Variants in COL7A1 observed in about 807,000 individuals in gnomAD.
COL7A1 encodes the protein collagen alpha-1(VII) chain.
In COL7A1, 296 loss-of-function variants were observed where a neutral mutation model predicts 456.2. The ratio of observed to expected loss-of-function variants is 0.65; its 90% CI spans 0.59 to 0.71. COL7A1 has a LOEUF of 0.71. Among genes scored for constraint, COL7A1 ranks in the 30% least tolerant of loss-of-function variants. The pLI, the probability that COL7A1 is intolerant of heterozygous loss-of-function variation, is 0.00. For missense variants in COL7A1, 3,441 were observed against 4,017.2 expected, an observed-to-expected ratio of 0.86 and a Z score of 3.88; for synonymous variants, 1,464 against 1,525.9, an observed-to-expected ratio of 0.96 and a Z score of 0.95.
Position 48,566,580 on chromosome 3 carries a change from G to T in COL7A1, c.8305-17C>A. 1.2e-6 allele frequency: 2 copies of T among 1,614,178 alleles called. No individual in the cohort carries two copies. Among genetic ancestry groups the T allele is most frequent in the Non-Finnish European group, 1.7e-6 (2 of 1,180,024 alleles). On this transcript the variant is annotated splice_polypyrimidine_tract_variant and intron_variant, in intron 112 of 118. Transcript: ENST00000681320. The surrounding 1 kb of genome is among the most constrained non-coding windows in gnomAD (Gnocchi z 5.9). ...TGGCCGCCCCTATGTGCAACAGATG[G>T]GACCAGGCTGTGACCTCTGACCTCA...
chr3:48,564,519 A>C lies in COL7A1; in HGVS notation c.8819-97T>G. The C allele has an allele frequency of 6.8e-7, 1 of 1,465,212 alleles. No individual in the cohort carries two copies. Among genetic ancestry groups the C allele is most frequent in the Non-Finnish European group, 9.5e-7 (1 of 1,056,460 alleles). 90.8% of individuals were successfully genotyped at this position (1,465,212 alleles called of 1,614,324 possible). On this transcript the variant is annotated intron_variant, in intron 118 of 118. Coordinates refer to ENST00000681320, the MANE Select transcript of COL7A1 (RefSeq NM_000094.4). The surrounding 1 kb of genome is among the most constrained non-coding windows in gnomAD (Gnocchi z 6.0). ...CCAAGGGGAGGGAGCGGAGGCTACA[A>C]CAGGAAGTGGGGGCTCTGACCTCAG... is the stretch of plus-strand genomic sequence containing the variant.
In COL7A1 at chr3:48,564,231, G is replaced by T. The variant is rs1360522118; in HGVS notation, c.*175C>A. 1.3e-6 allele frequency: 1 copy of T among 770,188 alleles called. No homozygotes were observed. Among genetic ancestry groups the T allele is most frequent in the African/African-American group, 1.7e-5 (1 of 58,372 alleles). 47.7% of individuals were successfully genotyped at this position (770,188 alleles called of 1,614,324 possible). A position where few individuals can be genotyped will look rare whatever the true frequency, so the allele number is the denominator to read the frequency against. On this transcript the variant is annotated 3_prime_UTR_variant, in exon 119 of 119. Coordinates refer to ENST00000681320, the MANE Select transcript of COL7A1 (RefSeq NM_000094.4). This position sits in a 1 kb window ranked among gnomAD's most constrained non-coding sequence, Gnocchi z 6.0. The stretch of plus-strand genomic sequence containing the variant: ...CCAGGGTGGCAGGAGCCACAATGGG[G>T]GTTTGTCCACAGGGGGGAAGGCTAG...
At position 48,586,857 on chromosome 3, in the gene COL7A1, T is replaced by C. The variant is rs138222941; in HGVS notation, c.3276+115A>G. ...GGCAGTAGGTGAGGTCTGGAGCCTGTGAGAGAGCTGGGAGAATGCCTGAAC... is the reference window on the plus strand; with the variant it reads ...GGCAGTAGGTGAGGTCTGGAGCCTGCGAGAGAGCTGGGAGAATGCCTGAAC... On this transcript the variant is annotated intron_variant, in intron 25 of 118. Transcript: ENST00000681320. The surrounding 1 kb of genome is among the most constrained non-coding windows in gnomAD (Gnocchi z 5.1). 5.9e-6 allele frequency: 9 copies of C among 1,525,806 alleles called. No individual in the cohort carries two copies. The African/African-American group carries it at 9.6e-5, about 16-fold the overall frequency. 94.5% of individuals were successfully genotyped at this position (1,525,806 alleles called of 1,614,324 possible).
chr3:48,575,418 C>T lies in COL7A1; in HGVS notation c.6101G>A (p.Gly2034Glu). 6.2e-7 allele frequency: 1 copy of T among 1,609,814 alleles called. No homozygotes were observed. Among genetic ancestry groups the T allele is most frequent in the Non-Finnish European group, 8.5e-7 (1 of 1,178,714 alleles). The change falls in exon 74 of 119, where the codon GGG becomes GAG. Residue 2034 changes from glycine to glutamate, a missense_variant. Coordinates refer to ENST00000681320, the MANE Select transcript of COL7A1 (RefSeq NM_000094.4). The surrounding 1 kb of genome is among the most constrained non-coding windows in gnomAD (Gnocchi z 6.3). ...RGPPGPSGLA[G>E]EPGKPGIPGL... ...GGGAATACCAGGCTTTCCAGGCTCC[C>T]CGGCAAGGCCGGAAGGCCCGGGGGG...
In COL7A1 at chr3:48,593,826, C is replaced by T. The variant is rs1022380144; in HGVS notation, c.267-130G>A. ...AGGGGTCCCTTCGTTCTGTCATTCT[C>T]CACACCCACTTGCCTCTGGAACCCC... On this transcript the variant is annotated intron_variant, in intron 3 of 118. Coordinates refer to ENST00000681320, the MANE Select transcript of COL7A1 (RefSeq NM_000094.4). The surrounding 1 kb of genome is among the most constrained non-coding windows in gnomAD (Gnocchi z 4.4). 8.9e-7 allele frequency: 1 copy of T among 1,122,388 alleles called. No individual in the cohort carries two copies. Among genetic ancestry groups the T allele is most frequent in the African/African-American group, 1.5e-5 (1 of 64,916 alleles). The allele number at this position is 1,122,388 out of a possible 1,614,324, so 69.5% of individuals were successfully genotyped here.
chr3:48,579,560 T>C lies in COL7A1; in HGVS notation c.5235+28A>G, dbSNP rs2044580510. On this transcript the variant is annotated intron_variant, in intron 59 of 118. Transcript: ENST00000681320. The surrounding 1 kb of genome is among the most constrained non-coding windows in gnomAD (Gnocchi z 4.4). ...AAATCAGAGCAGGCCCTCCCATGCC[T>C]GCACCCCCGAGGACCAATCACACTC... 6.2e-7 allele frequency: 1 copy of C among 1,613,664 alleles called. No homozygotes were observed. The highest frequency in any genetic ancestry group is 1.7e-5 in the Admixed American group (1 of 59,996).
In COL7A1 at chr3:48,583,143, C is replaced by T. The variant is rs1416352336; in HGVS notation, c.4466G>A (p.Gly1489Asp). 6.2e-7 allele frequency: 1 copy of T among 1,613,952 alleles called. No homozygotes were observed. Reference protein sequence around the residue: ...KGDRGFPGPLGEAGEKGERGP... With the variant: ...KGDRGFPGPLDEAGEKGERGP... ...TGCACTTACCTTCTCTCCAGCCTCACCCAGGGGCCCTGGAAAGCCCCGGTC... is the reference window on the plus strand; with the variant it reads ...TGCACTTACCTTCTCTCCAGCCTCATCCAGGGGCCCTGGAAAGCCCCGGTC... Residue 1489 changes from glycine to aspartate, a missense_variant, in exon 43 of 119, where the codon GGT (glycine) becomes GAT (aspartate). By Grantham distance (94) the Gly-to-Asp change is moderately conservative. Coordinates refer to ENST00000681320, the MANE Select transcript of COL7A1 (RefSeq NM_000094.4). The surrounding 1 kb of genome is among the most constrained non-coding windows in gnomAD (Gnocchi z 5.1).
Position 48,586,884 on chromosome 3 carries a change from T to C in COL7A1, c.3276+88A>G. 1 of 1,540,694 alleles carries C rather than the reference T, an allele frequency of 6.5e-7. No homozygotes were observed. The highest frequency in any genetic ancestry group is 2.0e-5 in the Admixed American group (1 of 50,966). On this transcript the variant is annotated intron_variant, in intron 25 of 118. Coordinates refer to ENST00000681320, the MANE Select transcript of COL7A1 (RefSeq NM_000094.4). The surrounding 1 kb of genome is among the most constrained non-coding windows in gnomAD (Gnocchi z 5.1). ...AGAGAGCTGGGAGAATGCCTGAACC[T>C]ATTGGGTGGTCAGGAGATGGTAACT...
In COL7A1 at chr3:48,583,686, G is replaced by A; in HGVS notation, c.4341+32C>T. 6.2e-7 allele frequency: 1 copy of A among 1,613,898 alleles called. No homozygotes were observed. Among genetic ancestry groups the A allele is most frequent in the Non-Finnish European group, 8.5e-7 (1 of 1,179,870 alleles). On this transcript the variant is annotated intron_variant, in intron 40 of 118. Transcript: ENST00000681320. The surrounding 1 kb of genome is among the most constrained non-coding windows in gnomAD (Gnocchi z 5.1). Reference sequence around the variant, plus strand: ...CCCCAGCACGCAGCCTCCCACCCCAGAACTGGGACATCATCAAGTCAGCCT... The same window carrying A: ...CCCCAGCACGCAGCCTCCCACCCCAAAACTGGGACATCATCAAGTCAGCCT...
In COL7A1 at chr3:48,577,024, C is replaced by T. The variant is rs751051251; in HGVS notation, c.5536G>A (p.Glu1846Lys). Residue 1846 changes from glutamate (E) to lysine (K), a missense_variant, in exon 66 of 119, where the codon GAA becomes AAA. Coordinates refer to ENST00000681320, the MANE Select transcript of COL7A1 (RefSeq NM_000094.4). The stretch of plus-strand genomic sequence containing the variant: ...CCGTCTTCTCCAGGGTCCCCAGGTT[C>T]TCCCTGTGGGCAGAGGACTCACATC... ...GKPGLNGKNGEPGDPGEDGRK... is the reference protein window; with the variant it reads ...GKPGLNGKNGKPGDPGEDGRK... 3 of 1,613,988 alleles carry T rather than the reference C, an allele frequency of 1.9e-6. No homozygotes were observed. The highest frequency in any genetic ancestry group is 1.3e-5 in the African/African-American group (1 of 75,070).
Position 48,574,130 on chromosome 3 carries a change from CAGGCACACACAGAG to C in COL7A1, c.6501+118_6501+131del. ...ACACACAGACACAGGCACACACAAG[CAGGCACACACAGAG>C]AGGCACACAGACACAGGTACACACA... On this transcript the variant is annotated intron_variant, in intron 80 of 118. Transcript: ENST00000681320. The surrounding 1 kb of genome is among the most constrained non-coding windows in gnomAD (Gnocchi z 5.0). 8.1e-7 allele frequency: 1 copy of C among 1,232,168 alleles called. No individual in the cohort carries two copies. Among genetic ancestry groups the C allele is most frequent in the Admixed American group, 1.7e-5 (1 of 57,626 alleles). 76.3% of individuals were successfully genotyped at this position (1,232,168 alleles called of 1,614,324 possible).
At chr3:48,584,793 G>A (rs371301928) in intron 34 of COL7A1, 24 bp from the exon 35 acceptor site, 3 of 1,613,898 alleles carry the variant, frequency 1.9e-6, no homozygotes, top group African/African-American at 2.7e-5. Flanking sequence ...AGAGCAGAGG[G>A]TGGTGCTTGG....
In COL7A1 at chr3:48,579,517, T is replaced by G; in HGVS notation, c.5236-2A>C. On this transcript the variant is annotated splice_acceptor_variant, in intron 59 of 118. Coordinates refer to ENST00000681320, the MANE Select transcript of COL7A1 (RefSeq NM_000094.4). LOFTEE classifies it high-confidence loss of function. This position sits in a 1 kb window ranked among gnomAD's most constrained non-coding sequence, Gnocchi z 4.4. ...GGGTCCCCGAAACCCTTCAATGCCC[T>G]GAGGATAGGGGAGGAAGAAATCAGA... is the stretch of plus-strand genomic sequence containing the variant. The G allele has an allele frequency of 6.2e-7, 1 of 1,613,898 alleles. No individual in the cohort carries two copies. The highest frequency in any genetic ancestry group is 8.5e-7 in the Non-Finnish European group (1 of 1,179,982).
rs765478839 is a variant in COL7A1 at position 48,571,186 on chromosome 3, A to G, written c.7105-26T>C. 1 of 1,614,042 alleles carries G rather than the reference A, an allele frequency of 6.2e-7. No individual in the cohort carries two copies. Among genetic ancestry groups the G allele is most frequent in the South Asian group, 1.1e-5 (1 of 91,092 alleles). ...CTTTGAGGAAAAGAGGCATCGGATC[A>G]AGCTCAGGGAGTCTCACGACCAGGA... is the stretch of plus-strand genomic sequence containing the variant. On this transcript the variant is annotated intron_variant, in intron 93 of 118. Transcript: ENST00000681320. This position sits in a 1 kb window ranked among gnomAD's most constrained non-coding sequence, Gnocchi z 4.6.
Position 48,574,611 on chromosome 3 carries a change from C to T in COL7A1, c.6394-61G>A. The T allele has an allele frequency of 6.2e-7, 1 of 1,613,908 alleles. No individual in the cohort carries two copies. The highest frequency in any genetic ancestry group is 8.5e-7 in the Non-Finnish European group (1 of 1,179,990). On this transcript the variant is annotated intron_variant, in intron 78 of 118. Coordinates refer to ENST00000681320, the MANE Select transcript of COL7A1 (RefSeq NM_000094.4). This position sits in a 1 kb window ranked among gnomAD's most constrained non-coding sequence, Gnocchi z 5.0. ...CCTGCCACGTGCCCAGGTGCATATG[C>T]ACACCACCTCTAGTGTGCCCCCAGA...
Position 48,574,219 on chromosome 3 carries a change from G to A in COL7A1, c.6501+43C>T, listed in dbSNP as rs1413968820. 6.2e-7 allele frequency: 1 copy of A among 1,612,154 alleles called. No homozygotes were observed. Among genetic ancestry groups the A allele is most frequent in the Admixed American group, 1.7e-5 (1 of 60,002 alleles). ...CACACAGCAGCAGCAGCACCTAGCGGAGGGTCCGGAGCCTGGGGCCAGGTG... is the reference window on the plus strand; with the variant it reads ...CACACAGCAGCAGCAGCACCTAGCGAAGGGTCCGGAGCCTGGGGCCAGGTG... On this transcript the variant is annotated intron_variant, in intron 80 of 118. Coordinates refer to ENST00000681320, the MANE Select transcript of COL7A1 (RefSeq NM_000094.4). The surrounding 1 kb of genome is among the most constrained non-coding windows in gnomAD (Gnocchi z 5.0).
Position 48,574,273 on chromosome 3 carries a change from C to T in COL7A1, c.6490G>A (p.Glu2164Lys), listed in dbSNP as rs1187619610. The T allele has an allele frequency of 1.2e-6, 2 of 1,614,006 alleles. No homozygotes were observed. Among genetic ancestry groups the T allele is most frequent in the Non-Finnish European group, 1.7e-6 (2 of 1,180,024 alleles). Residue 2164 changes from glutamate to lysine, a missense_variant, in exon 80 of 119, where the codon GAA becomes AAA. Glu to Lys is a moderately conservative substitution (Grantham distance 56, BLOSUM62 1). Transcript: ENST00000681320. This position sits in a 1 kb window ranked among gnomAD's most constrained non-coding sequence, Gnocchi z 5.0. ...LPGERGMAGP[E>K]GKPGLQGPRG... is the part of the protein sequence containing the mutation. ...CAGCCACCACTCACCGGCTTCCCTTCAGGCCCAGCCATACCACGCTCTCCT... is the reference window on the plus strand; with the variant it reads ...CAGCCACCACTCACCGGCTTCCCTTTAGGCCCAGCCATACCACGCTCTCCT...
rs1181787200 is a variant in COL7A1, at chr3:48,587,459, A to G, written c.2953T>C (p.Tyr985His). Residue 985 changes from tyrosine to histidine, a missense_variant, in exon 23 of 119, where the codon TAC (tyrosine) becomes CAC (histidine). Tyr to His is a moderately conservative substitution (Grantham distance 83). Coordinates refer to ENST00000681320, the MANE Select transcript of COL7A1 (RefSeq NM_000094.4). The surrounding 1 kb of genome is among the most constrained non-coding windows in gnomAD (Gnocchi z 6.1). The part of the protein sequence containing the change: ...AWTPVSRASS[Y>H]ILSWRPLRGP... The stretch of plus-strand genomic sequence containing the variant: ...CTGAGTGGCCGCCAGGATAGGATGT[A>G]GCTGGATGCCCTGGACACTGGAGTC... The G allele has an allele frequency of 7.4e-6, 12 of 1,613,174 alleles. No individual in the cohort carries two copies. Among genetic ancestry groups the G allele is most frequent in the Non-Finnish European group, 9.3e-6 (11 of 1,180,034 alleles).
At position 48,569,099 on chromosome 3, in the gene COL7A1, T is replaced by G. The variant is rs1007444279; in HGVS notation, c.7687-244A>C. Among the ~76,000 whole-genome samples the G allele has an allele frequency of 2.0e-5, 3 of 152,092 alleles. No homozygotes were observed. The highest frequency in any genetic ancestry group is 1.9e-4 in the East Asian group (1 of 5,190). On this transcript the variant is annotated intron_variant, in intron 103 of 118. Transcript: ENST00000681320. The surrounding 1 kb of genome is among the most constrained non-coding windows in gnomAD (Gnocchi z 4.9). ...TTATCACTGGGTTCCTCATCCCATC[T>G]GAAGCACCTTCAGATGGGGACACCC... is the stretch of plus-strand genomic sequence containing the variant.
Sources: gnomAD v4.1 joint callset for allele counts (sites outside exome capture counted in the v4.1 genomes callset) on GRCh38, gnomAD v4.1.1 for gene constraint, Gnocchi (gnomAD v3.1) non-coding constraint, MANE v1.5 for transcripts, NCBI Gene and HGNC (gene_info 2026-07-23, HGNC 2026-07-21) for gene names.